The following MYO7B variants were observed in gnomAD, a reference collection of about 807,000 sequenced individuals.
MYO7B encodes the protein unconventional myosin-VIIb.
Under a neutral mutation model 259.7 loss-of-function variants are expected in MYO7B, and 212 were observed. The observed-to-expected ratio is 0.82, with a 90% CI of 0.73 to 0.91. The LOEUF is 0.91. Among genes scored for constraint, MYO7B ranks in the 40% least tolerant of loss-of-function variants. The pLI is 0.00. For missense variants in MYO7B, 2,732 were observed against 2,813.5 expected (o/e 0.97, Z 0.66); for synonymous variants, 1,197 against 1,166.4 (o/e 1.03, Z -0.54).
chr2:127,627,320 C>A lies in MYO7B; in HGVS notation c.4460+10C>A, dbSNP rs1466612747. ...GTCTGGCCACCAACAGGTGCGGGCC[C>A]TGAGGGAAGATCTCTTCTTACACAC... On this transcript the variant is annotated intron_variant, in intron 33 of 47. Coordinates refer to ENST00000409816, the MANE Select transcript of MYO7B (RefSeq NM_001393586.1). The surrounding 1 kb of genome is among the most constrained non-coding windows in gnomAD (Gnocchi z 5.6). 1.9e-6 allele frequency: 3 copies of A among 1,611,354 alleles called. No individual in the cohort carries two copies. Among genetic ancestry groups the A allele is most frequent in the Non-Finnish European group, 2.5e-6 (3 of 1,179,308 alleles).
At chr2:127,592,661 G>C in intron 16 of MYO7B, 133 bp from the exon 17 acceptor site, 1 of 1,157,778 alleles carries the variant, frequency 8.6e-7, no homozygotes, top group South Asian at 1.5e-5. Flanking sequence ...GGAGGACAGT[G>C]GGGGTGGGCG....
In MYO7B at chr2:127,630,911, GC is replaced by G. The variant is rs775708675; in HGVS notation, c.4937+9del. ...GAGTTCTCCTATGAGTTCTTCAGGT[GC>G]CCCCCAGCCCCGCTCCGCCTCATTG... On this transcript the variant is annotated splice_donor_region_variant and intron_variant, in intron 36 of 47. Transcript: ENST00000409816. 4.0e-5 allele frequency: 62 copies of G among 1,562,286 alleles called. No individual in the cohort carries two copies. The African/African-American group carries it at 6.0e-4, about 15-fold the overall frequency.
At chr2:127,593,367 G>T (rs182204992) in intron 17 of MYO7B, among the ~76,000 whole-genome samples, 179 bp from the exon 18 acceptor site, 1 of 151,980 alleles carries the variant, frequency 6.6e-6, no homozygotes, top group Non-Finnish European at 1.5e-5. Flanking sequence ...CCCGGGCCCC[G>T]AGTTCCCTCC....
Position 127,637,501 on chromosome 2 carries a change from C to A in MYO7B, c.*84C>A. On this transcript the variant is annotated 3_prime_UTR_variant, in exon 48 of 48. Coordinates refer to ENST00000409816, the MANE Select transcript of MYO7B (RefSeq NM_001393586.1). ...TTCCCAGGCCCTCTCAACCCAGGGC[C>A]TGTCCTTGGCGGGCAGCCTTCCATG... 9.3e-7 allele frequency: 1 copy of A among 1,072,836 alleles called. No individual in the cohort carries two copies. Among genetic ancestry groups the A allele is most frequent in the Non-Finnish European group, 1.3e-6 (1 of 764,588 alleles). The allele number at this position is 1,072,836 out of a possible 1,614,324, so 66.5% of individuals were successfully genotyped here.
chr2:127,582,523 T>A, intron 12 of MYO7B, 77 bp downstream of exon 12: 1 of 1,531,772 alleles, frequency 6.5e-7, no homozygotes, highest in Non-Finnish European at 8.8e-7. Context: ...GGGGGCAAGT[T>A]GGAGGGGAGC....
chr2:127,584,379 G>T lies in MYO7B; in HGVS notation c.1554+47G>T, dbSNP rs367749762. 1,347 of 1,589,644 alleles carry T rather than the reference G, an allele frequency of 8.5e-4. 13 individuals are homozygous for T. In the South Asian group the frequency reaches 0.011, roughly 13 times the overall value. ...CCTTCTGGTGGAGGCCCTGCTATGG[G>T]TCTCCTCTTGGAGGCTGGGAAACTC... On this transcript the variant is annotated intron_variant, in intron 13 of 47. Coordinates refer to ENST00000409816, the MANE Select transcript of MYO7B (RefSeq NM_001393586.1). This position sits in a 1 kb window ranked among gnomAD's most constrained non-coding sequence, Gnocchi z 5.8.
At chr2:127,602,162 T>C (rs139596162) in intron 19 of MYO7B, among the ~76,000 whole-genome samples, 76 of 152,358 alleles carry the variant, frequency 5.0e-4, no homozygotes, top group Admixed American at 3.5e-3. Context: ...TATATATCTT[T>C]TTTATAGCTC....
At chr2:127,570,738 C>T (rs893138978) in intron 6 of MYO7B, among the ~76,000 whole-genome samples, 1 of 152,004 alleles carries the variant, frequency 6.6e-6, no homozygotes, top group Non-Finnish European at 1.5e-5. Context: ...TCTCTCACAC[C>T]CCTTCGTAGT....
In MYO7B at chr2:127,636,502, G is replaced by GCCT; in HGVS notation, c.6124-40_6124-38dup. The GCCT allele has an allele frequency of 1.9e-6, 3 of 1,571,884 alleles. No homozygotes were observed. Among genetic ancestry groups the GCCT allele is most frequent in the Non-Finnish European group, 1.7e-6 (2 of 1,153,656 alleles). On this transcript the variant is annotated intron_variant, in intron 45 of 47. Coordinates refer to ENST00000409816, the MANE Select transcript of MYO7B (RefSeq NM_001393586.1). This position sits in a 1 kb window ranked among gnomAD's most constrained non-coding sequence, Gnocchi z 4.5. ...ATGAGCTCCTGGGAGGTGCAGCCTGGCCTCCCGGGCTGGACTATGACCGCC... is the reference window on the plus strand; with the variant it reads ...ATGAGCTCCTGGGAGGTGCAGCCTGGCCTCCTCCCGGGCTGGACTATGACCGCC...
At chr2:127,571,446 T>TTTTTTTTTTG (rs1553448482) in intron 6 of MYO7B, among the ~76,000 whole-genome samples, 1 of 142,934 alleles carries the variant, frequency 7.0e-6, no homozygotes, top group African/African-American at 2.5e-5. Flanking sequence ...CAGTGAGTTT[T>TTTTTTTTTTG]TTTTTTTTTT....
At chr2:127,617,709 A>C (rs1352913277) in intron 26 of MYO7B, among the ~76,000 whole-genome samples, 7 of 150,004 alleles carry the variant, frequency 4.7e-5, no homozygotes, top group Non-Finnish European at 7.4e-5. Context: ...TCACCTTGTT[A>C]GCCAGGATGG....
At chr2:127,566,958 C>T (rs749457070) in intron 5 of MYO7B, 131 bp downstream of exon 5, 60 of 955,200 alleles carry the variant, frequency 6.3e-5, no homozygotes, top group East Asian at 8.3e-5. Context: ...CAGCACACAA[C>T]GGCCCCAGTT....
chr2:127,547,550 G>A (rs1034394837), intron 1 of MYO7B, among the ~76,000 whole-genome samples: 2 of 152,172 alleles, frequency 1.3e-5, no homozygotes, highest in African/African-American at 4.8e-5. Flanking sequence ...AGGTAGGCAG[G>A]CTATGATGCT....
intron 29 of MYO7B, 29 bp downstream of exon 29, chr2:127,623,404 C>A: frequency 6.5e-7 from 1 of 1,531,356 alleles, no homozygotes; most frequent in Non-Finnish European, 8.8e-7. Flanking sequence ...GCCCGTCAGC[C>A]GCCTCCCTCA....
At chr2:127,634,107 G>A in intron 40 of MYO7B, 69 bp from the exon 41 acceptor site, 1 of 1,280,732 alleles carries the variant, frequency 7.8e-7, no homozygotes, top group Non-Finnish European at 1.1e-6. Flanking sequence ...GCCAGGCTAG[G>A]AAGGCTCATC....
At chr2:127,619,524 G>A (rs1680743745) in intron 26 of MYO7B, among the ~76,000 whole-genome samples, 1 of 152,114 alleles carries the variant, frequency 6.6e-6, no homozygotes, top group African/African-American at 2.4e-5. Context: ...AGAAAGAGGA[G>A]GGATGCAGGA....
In MYO7B at chr2:127,582,447, G is replaced by A; in HGVS notation, c.1343+1G>A. The A allele has an allele frequency of 1.2e-6, 2 of 1,612,786 alleles. No individual in the cohort carries two copies. Among genetic ancestry groups the A allele is most frequent in the Non-Finnish European group, 1.7e-6 (2 of 1,179,468 alleles). On this transcript the variant is annotated splice_donor_variant, in intron 12 of 47. Coordinates refer to ENST00000409816, the MANE Select transcript of MYO7B (RefSeq NM_001393586.1). LOFTEE classifies it high-confidence loss of function. Reference sequence around the variant, plus strand: ...GCTTTGAAAATTTCGAGAACAATAGGTATGAAGATCTCAGATCCCAGCCCC... The same window carrying A: ...GCTTTGAAAATTTCGAGAACAATAGATATGAAGATCTCAGATCCCAGCCCC...
At position 127,596,315 on chromosome 2, in the gene MYO7B, C is replaced by A. The variant is rs1679767596; in HGVS notation, c.2245-147C>A. 5 of 649,464 alleles carry A rather than the reference C, an allele frequency of 7.7e-6. 1 individual carries two copies. Among genetic ancestry groups the A allele is most frequent in the South Asian group, 3.6e-5 (2 of 55,206 alleles). The allele number at this position is 649,464 out of a possible 1,614,324, so 40.2% of individuals were successfully genotyped here. A position where few individuals can be genotyped will look rare whatever the true frequency, so the allele number is the denominator to read the frequency against. On this transcript the variant is annotated intron_variant, in intron 18 of 47. Transcript: ENST00000409816. ...TGCAGCTCCTGTCTCTGAGCAACATCAAGGTCACTTTGAGGGCCCCCTTCT... is the reference window on the plus strand; with the variant it reads ...TGCAGCTCCTGTCTCTGAGCAACATAAAGGTCACTTTGAGGGCCCCCTTCT...
Position 127,580,820 on chromosome 2 carries a change from G to C in MYO7B, c.1078G>C (p.Glu360Gln). Residue 360 changes from glutamate (E) to glutamine (Q), a missense_variant and splice_region_variant, in exon 10 of 48, where the codon GAG becomes CAG. Coordinates refer to ENST00000409816, the MANE Select transcript of MYO7B (RefSeq NM_001393586.1). The part of the protein sequence containing the change: ...PAFPTVMKLL[E>Q]VQHQELRDCL... ...CTTTCCCACCGTGATGAAGTTACTG[G>C]AGGTAGGGGTGCTGTGCCCACAGCT... 6.2e-7 allele frequency: 1 copy of C among 1,612,734 alleles called. No individual in the cohort carries two copies. Among genetic ancestry groups the C allele is most frequent in the Non-Finnish European group, 8.5e-7 (1 of 1,179,434 alleles).
Sources: allele counts gnomAD v4.1 joint callset (sites outside exome capture counted in the v4.1 genomes callset), GRCh38; gene constraint gnomAD v4.1.1; non-coding constraint Gnocchi (gnomAD v3.1); transcripts MANE v1.5; gene names NCBI Gene and HGNC (gene_info 2026-07-23, HGNC 2026-07-21).